Variants in VIRMA observed in about 807,000 individuals in gnomAD.
The protein encoded by VIRMA is vir like m6A methyltransferase associated.
Under a neutral mutation model 182.4 loss-of-function variants are expected in VIRMA, and 65 were observed. That is an observed-to-expected ratio of 0.36 (90% CI 0.29 to 0.44). VIRMA has a LOEUF of 0.44. Among genes scored for constraint, VIRMA ranks in the 20% least tolerant of loss-of-function variants. The probability of loss-of-function intolerance (pLI) is 1.00; values close to 1 mark genes in which losing one functional copy is unlikely to be tolerated. For missense variants in VIRMA, 1,752 were observed against 2,158.1 expected (o/e 0.81, Z 3.73); for synonymous variants, 709 against 743.1 (o/e 0.95, Z 0.75).
At position 94,526,995 on chromosome 8, in the gene VIRMA, A is replaced by G. The variant is rs1814994651; in HGVS notation, c.1249T>C (p.Tyr417His). 4 of 1,614,230 alleles carry G rather than the reference A, an allele frequency of 2.5e-6. No individual in the cohort carries two copies. The highest frequency in any genetic ancestry group is 2.2e-5 in the East Asian group (1 of 44,890). Reference sequence around the variant, plus strand: ...TGTTTTGTGTTTTTCAATTGCAAATAGCTTAACCCTTTTATTATTAAACTT... The same window carrying G: ...TGTTTTGTGTTTTTCAATTGCAAATGGCTTAACCCTTTTATTATTAAACTT... ...IPSLIIKGLS[Y>H]LQLKNTKQDS... The change falls in exon 8 of 24, where the codon TAT (tyrosine) becomes CAT (histidine). Residue 417 changes from tyrosine (Y) to histidine (H), a missense_variant. Tyr to His is a moderately conservative substitution (Grantham distance 83). Transcript: ENST00000297591.
chr8:94,507,409 A>G (rs550855783), intron 15 of VIRMA, among the ~76,000 whole-genome samples: 2 of 150,944 alleles, frequency 1.3e-5, no homozygotes, highest in Non-Finnish European at 3.0e-5. Flanking sequence ...TGCTGGGATT[A>G]CAGGCATGAG....
intron 8 of VIRMA, among the ~76,000 whole-genome samples, chr8:94,521,376 G>A (rs1483165915): frequency 1.3e-5 from 2 of 152,006 alleles, no homozygotes; most frequent in African/African-American, 4.8e-5. Context: ...CCCTGCAAAG[G>A]ACATGATCTC....
At chr8:94,550,290 ATTT>A (rs11356608) in intron 1 of VIRMA, among the ~76,000 whole-genome samples, 4 of 143,138 alleles carry the variant, frequency 2.8e-5, no homozygotes, top group Admixed American at 2.1e-4. Context: ...TCTCTGAACC[ATTT>A]TTTTTTTTTT....
chr8:94,548,245 A>G (rs1815846410), intron 1 of VIRMA, among the ~76,000 whole-genome samples: 1 of 150,974 alleles, frequency 6.6e-6, no homozygotes, highest in African/African-American at 2.5e-5. Context: ...AAATAAGCTT[A>G]CTTTTGAAAT....
At chr8:94,548,809 T>C (rs1041960946) in intron 1 of VIRMA, among the ~76,000 whole-genome samples, 5 of 152,064 alleles carry the variant, frequency 3.3e-5, no homozygotes, top group African/African-American at 1.2e-4. Context: ...GCGCATACCA[T>C]CACGCCTGGC....
chr8:94,491,471 C>A, intron 22 of VIRMA, 107 bp downstream of exon 22: 1 of 1,085,726 alleles, frequency 9.2e-7, no homozygotes, highest in Non-Finnish European at 1.3e-6. Flanking sequence ...TCAACTGCAG[C>A]AACAGGAAAA....
chr8:94,496,495 C>G lies in VIRMA; in HGVS notation c.4231-15G>C. On this transcript the variant is annotated splice_polypyrimidine_tract_variant and intron_variant, in intron 17 of 23. Transcript: ENST00000297591. ...CCACAGCATCCCTGTAAATGTCACA[C>G]ATAAGTTAAATTTGAGAACAGAGAA... is the stretch of plus-strand genomic sequence containing the variant. 4 of 1,596,810 alleles carry G rather than the reference C, an allele frequency of 2.5e-6. No individual in the cohort carries two copies. Among genetic ancestry groups the G allele is most frequent in the Non-Finnish European group, 3.4e-6 (4 of 1,173,012 alleles).
chr8:94,549,468 T>C (rs1257196114), intron 1 of VIRMA, among the ~76,000 whole-genome samples: 1 of 152,184 alleles, frequency 6.6e-6, no homozygotes, highest in Non-Finnish European at 1.5e-5. Context: ...ATCTGGCTAA[T>C]TATCCCGTTC....
At chr8:94,523,998 CTTGT>C (rs917114468) in intron 8 of VIRMA, among the ~76,000 whole-genome samples, 3 of 121,364 alleles carry the variant, frequency 2.5e-5, no homozygotes, top group African/African-American at 1.0e-4. Flanking sequence ...GTTTTTGTTA[CTTGT>C]TTATTTATTT....
intron 17 of VIRMA, chr8:94,497,428 C>CT (rs558977365): frequency 6.7e-5 from 9 of 134,544 alleles, no homozygotes; most frequent in African/African-American, 1.4e-4. Context: ...CTTTCTTTTT[C>CT]TTTTTTTTTC....
intron 8 of VIRMA, among the ~76,000 whole-genome samples, chr8:94,521,180 A>T (rs1355874708): frequency 6.6e-6 from 1 of 151,550 alleles, no homozygotes; most frequent in African/African-American, 2.4e-5. Flanking sequence ...TGTATTAGCT[A>T]TTTTTCCTGA....
At chr8:94,518,937 C>T (rs1221281717) in intron 9 of VIRMA, 48 bp downstream of exon 9, 5 of 1,488,634 alleles carry the variant, frequency 3.4e-6, no homozygotes, top group Non-Finnish European at 4.5e-6. Context: ...ATTAGTTAAT[C>T]TGATTTTCTA....
intron 4 of VIRMA, among the ~76,000 whole-genome samples, chr8:94,535,940 A>G (rs1016280163): frequency 2.0e-5 from 3 of 152,206 alleles, no homozygotes; most frequent in African/African-American, 4.8e-5. Context: ...GCTTATCTAC[A>G]TTAATAGCTA....
Position 94,526,964 on chromosome 8 carries a change from G to C in VIRMA, c.1280C>G (p.Ser427Cys), listed in dbSNP as rs113939516. The change falls in exon 8 of 24, where the codon TCC becomes TGC. Residue 427 changes from serine (S) to cysteine (C), a missense_variant. Around this residue, in one of 11 missense-constraint regions of VIRMA, gnomAD observed 401 missense variants for 455.1 expected, o/e 0.88. Coordinates refer to ENST00000297591, the MANE Select transcript of VIRMA (RefSeq NM_015496.5). The stretch of plus-strand genomic sequence containing the variant: ...GGTCCAGTCTACCAACTGGCCAAGG[G>C]AGTCTTGTTTTGTGTTTTTCAATTG... ...YLQLKNTKQD[S>C]LGQLVDWTMQ... The C allele has an allele frequency of 7.7e-5, 124 of 1,614,096 alleles. No homozygotes were observed. The African/African-American group carries it at 1.2e-3, about 15-fold the overall frequency.
At chr8:94,532,020 G>C (rs1395673451) in intron 5 of VIRMA, among the ~76,000 whole-genome samples, 1 of 152,204 alleles carries the variant, frequency 6.6e-6, no homozygotes, top group Non-Finnish European at 1.5e-5. Flanking sequence ...AAAGGCTAGA[G>C]ATGGGTGGGA....
intron 1 of VIRMA, among the ~76,000 whole-genome samples, chr8:94,552,066 T>C (rs1006050997): frequency 1.3e-5 from 2 of 152,236 alleles, no homozygotes; most frequent in African/African-American, 2.4e-5. Context: ...ATAAGTTTGT[T>C]CTGATCCAAC....
intron 12 of VIRMA, 103 bp from the exon 13 acceptor site, chr8:94,511,832 TATA>T (rs1474736570): frequency 7.3e-5 from 52 of 717,042 alleles, no homozygotes; most frequent in Admixed American, 4.7e-4. Context: ...TAATTATATT[TATA>T]ATAAATGATT....
chr8:94,552,832 C>A (rs1397306745), intron 1 of VIRMA, among the ~76,000 whole-genome samples: 1 of 152,104 alleles, frequency 6.6e-6, no homozygotes, highest in African/African-American at 2.4e-5. Flanking sequence ...CATCTCATTC[C>A]TAATGTGTGA....
In VIRMA at chr8:94,494,853, T is replaced by TTTATAA; in HGVS notation, c.4641+6_4641+7insTTATAA. ...CGTTTTTCTAAATATTTAGTAATAA[T>TTTATAA]TTATACCAAATCCAGATCTGTATCT... On this transcript the variant is annotated splice_region_variant and intron_variant, in intron 20 of 23. Transcript: ENST00000297591. The TTTATAA allele has an allele frequency of 6.9e-7, 1 of 1,454,566 alleles. No individual in the cohort carries two copies. Among genetic ancestry groups the TTTATAA allele is most frequent in the Non-Finnish European group, 9.5e-7 (1 of 1,050,688 alleles). The allele number at this position is 1,454,566 out of a possible 1,614,324, so 90.1% of individuals were successfully genotyped here.
Sources: gnomAD v4.1 joint callset for allele counts (sites outside exome capture counted in the v4.1 genomes callset) on GRCh38, gnomAD v4.1.1 for gene constraint, gnomAD v4.1.1 regional missense constraint, MANE v1.5 for transcripts, NCBI Gene and HGNC (gene_info 2026-07-23, HGNC 2026-07-21) for gene names.